CSMD3: variants seen among roughly 807,000 people sequenced by gnomAD.
CSMD3 encodes the protein CUB and sushi domain-containing protein 3.
A neutral mutation model predicts 435.2 loss-of-function variants in CSMD3; 177 were observed. The observed-to-expected ratio is 0.41, with a 90% CI of 0.36 to 0.46. The LOEUF is 0.46. Among genes scored for constraint, CSMD3 ranks in the 20% least tolerant of loss-of-function variants. The pLI is 0.34. For missense variants in CSMD3, 4,265 were observed against 4,504.6 expected, an observed-to-expected ratio of 0.95 and a Z score of 1.52; for synonymous variants, 1,656 against 1,520.5, an observed-to-expected ratio of 1.09 and a Z score of -2.07.
intron 4 of CSMD3, among the ~76,000 whole-genome samples, chr8:113,135,159 T>C (rs2091384702): frequency 6.6e-6 from 1 of 152,112 alleles, no homozygotes; most frequent in Non-Finnish European, 1.5e-5. Flanking sequence ...AAGCAAGTGT[T>C]GGCATTGTAT....
intron 4 of CSMD3, among the ~76,000 whole-genome samples, chr8:113,101,886 C>T (rs2090341426): frequency 6.6e-6 from 1 of 151,844 alleles, no homozygotes; most frequent in Non-Finnish European, 1.5e-5. Context: ...GGTTTGGTGT[C>T]CCTACTTGAA....
At chr8:112,296,949 A>G (rs1820351225) in intron 53 of CSMD3, among the ~76,000 whole-genome samples, 2 of 151,986 alleles carry the variant, frequency 1.3e-5, no homozygotes, top group African/African-American at 4.8e-5. Flanking sequence ...GAATGCTAAA[A>G]ACAGCTTTAT....
intron 28 of CSMD3, among the ~76,000 whole-genome samples, chr8:112,508,652 A>G (rs955621412): frequency 1.3e-5 from 2 of 152,138 alleles, no homozygotes; most frequent in Non-Finnish European, 2.9e-5. Context: ...GCCTTCTCTA[A>G]AAAAAGAAAA....
intron 38 of CSMD3, among the ~76,000 whole-genome samples, chr8:112,367,930 A>G (rs1205433531): frequency 6.6e-6 from 1 of 152,184 alleles, no homozygotes; most frequent in Non-Finnish European, 1.5e-5. Context: ...TATAACTGGC[A>G]CTGCAATAAG....
chr8:112,485,743 T>C (rs11998413), intron 31 of CSMD3, among the ~76,000 whole-genome samples: 49 of 152,242 alleles, frequency 3.2e-4, no homozygotes, highest in South Asian at 6.2e-4. Context: ...TTCTTATTTT[T>C]TGGTTTGTTT....
chr8:112,807,897 T>G (rs1308525948), intron 12 of CSMD3, among the ~76,000 whole-genome samples: 4 of 152,160 alleles, frequency 2.6e-5, no homozygotes, highest in Non-Finnish European at 4.4e-5. Flanking sequence ...TTGACTGAAC[T>G]ATGAAAATTA....
At chr8:113,238,071 T>G (rs1268892650) in intron 3 of CSMD3, among the ~76,000 whole-genome samples, 7 of 108,610 alleles carry the variant, frequency 6.4e-5, no homozygotes, top group East Asian at 5.5e-4. Context: ...CAAGACTCCA[T>G]CTCAAAAAAA....
At chr8:113,406,856 T>G (rs369560253) in intron 1 of CSMD3, among the ~76,000 whole-genome samples, 2 of 152,232 alleles carry the variant, frequency 1.3e-5, no homozygotes, top group East Asian at 1.9e-4. Context: ...ATATATGCAC[T>G]GTAGAGTGGA....
At chr8:112,911,057 C>G (rs900134465) in intron 10 of CSMD3, among the ~76,000 whole-genome samples, 2 of 151,732 alleles carry the variant, frequency 1.3e-5, no homozygotes, top group African/African-American at 4.8e-5. Context: ...CTTCATCCTC[C>G]TATTCCTCAT....
At chr8:112,344,522 T>A (rs973240351) in intron 41 of CSMD3, among the ~76,000 whole-genome samples, 12 of 152,156 alleles carry the variant, frequency 7.9e-5, no homozygotes, top group Non-Finnish European at 1.5e-4. Flanking sequence ...GCTTACTGGG[T>A]AGTGAGATAC....
intron 4 of CSMD3, among the ~76,000 whole-genome samples, chr8:113,129,516 C>A (rs139254054): frequency 1.3e-5 from 2 of 152,220 alleles, no homozygotes; most frequent in African/African-American, 4.8e-5. Context: ...ATTTGTCATG[C>A]AATTCTCATT....
At chr8:112,737,792 A>G (rs1235939683) in intron 13 of CSMD3, among the ~76,000 whole-genome samples, 2 of 151,906 alleles carry the variant, frequency 1.3e-5, no homozygotes, top group Non-Finnish European at 1.5e-5. Context: ...AGGAAGCTTT[A>G]CCTGCAATTC....
intron 10 of CSMD3, among the ~76,000 whole-genome samples, chr8:112,878,087 A>G (rs963091531): frequency 6.6e-6 from 1 of 152,188 alleles, no homozygotes; most frequent in African/African-American, 2.4e-5. Context: ...TAAACTAAAG[A>G]GCTTCTGCAC....
intron 5 of CSMD3, among the ~76,000 whole-genome samples, chr8:113,077,965 T>G (rs2089413741): frequency 6.6e-6 from 1 of 152,062 alleles, no homozygotes; most frequent in Non-Finnish European, 1.5e-5. Flanking sequence ...AGAAATTAAA[T>G]GTAAACAAAA....
chr8:112,805,216 A>C (rs1197362376), intron 12 of CSMD3, among the ~76,000 whole-genome samples: 1 of 152,118 alleles, frequency 6.6e-6, no homozygotes, highest in East Asian at 1.9e-4. Context: ...GTGTCTGTGG[A>C]ACTCCCTGGA....
rs1473092975 is a variant in CSMD3 at position 112,868,894 on chromosome 8, T to C, written c.1634-9628A>G. Among the ~76,000 whole-genome samples the C allele has an allele frequency of 2.7e-5, 4 of 146,748 alleles. No homozygotes were observed. In the East Asian group the frequency reaches 8.4e-4, roughly 31 times the overall value. On this transcript the variant is annotated intron_variant, in intron 10 of 70. Transcript: ENST00000297405. ...GGATTAAAGACTTAAATGTAGGATATGAATCCATACAGGTCCTAGAAGAAA... is the reference window on the plus strand; with the variant it reads ...GGATTAAAGACTTAAATGTAGGATACGAATCCATACAGGTCCTAGAAGAAA...
At chr8:112,686,176 G>C (rs1480396938) in intron 14 of CSMD3, among the ~76,000 whole-genome samples, 1 of 152,158 alleles carries the variant, frequency 6.6e-6, no homozygotes, top group Admixed American at 6.5e-5. Flanking sequence ...ATCAATGTGT[G>C]AGTTCCATTT....
chr8:112,297,236 A>G (rs1472085126), intron 53 of CSMD3, among the ~76,000 whole-genome samples: 2 of 140,272 alleles, frequency 1.4e-5, no homozygotes, highest in Non-Finnish European at 3.1e-5. Context: ...CATTAACCCC[A>G]ATAGTAAAGC....
chr8:113,163,071 AATAG>A (rs2092075710), intron 4 of CSMD3, among the ~76,000 whole-genome samples: 1 of 152,112 alleles, frequency 6.6e-6, no homozygotes, highest in South Asian at 2.1e-4. Context: ...ATCATCATTC[AATAG>A]ATATTTGTTA....
Sources: allele counts gnomAD v4.1 joint callset (sites outside exome capture counted in the v4.1 genomes callset), GRCh38; gene constraint gnomAD v4.1.1; transcripts MANE v1.5; gene names NCBI Gene and HGNC (gene_info 2026-07-23, HGNC 2026-07-21).